Variants in AGPAT4 observed in about 807,000 individuals in gnomAD.
AGPAT4 encodes the protein 1-acyl-sn-glycerol-3-phosphate acyltransferase delta.
A neutral mutation model predicts 48.0 loss-of-function variants in AGPAT4; 15 were observed. The ratio of observed to expected loss-of-function variants is 0.31; its 90% CI spans 0.21 to 0.48. AGPAT4 has a LOEUF of 0.48. Among genes scored for constraint, AGPAT4 ranks in the 20% least tolerant of loss-of-function variants. AGPAT4 has a pLI of 0.99. For synonymous variants in AGPAT4, 178 were observed against 198.7 expected (o/e 0.90, Z 0.88); for missense variants, 314 against 482.5 (o/e 0.65, Z 3.27).
chr6:161,234,023 C>T lies in AGPAT4; in HGVS notation c.-89-1721G>A, dbSNP rs1782200059. Among the ~76,000 whole-genome samples, 1 of 152,172 alleles carries T rather than the reference C, an allele frequency of 6.6e-6. No homozygotes were observed. Among genetic ancestry groups the T allele is most frequent in the South Asian group, 2.1e-4 (1 of 4,830 alleles). On this transcript the variant is annotated intron_variant, in intron 1 of 8. Coordinates refer to ENST00000320285, the MANE Select transcript of AGPAT4 (RefSeq NM_020133.3). This position sits in a 1 kb window ranked among gnomAD's most constrained non-coding sequence, Gnocchi z 4.4. ...TCAGTTTTAACTCCGAGCTCTTTCT[C>T]CTGCACGTGTCAGGGGTGTTCTGCT... is the stretch of plus-strand genomic sequence containing the variant.
At chr6:161,179,455 G>T (rs1486941504) in intron 2 of AGPAT4, among the ~76,000 whole-genome samples, 1 of 152,152 alleles carries the variant, frequency 6.6e-6, no homozygotes, top group Non-Finnish European at 1.5e-5. Flanking sequence ...ACGACATAAA[G>T]ATAAAATGCC....
chr6:161,151,576 G>A (rs1779594275), intron 5 of AGPAT4, among the ~76,000 whole-genome samples: 1 of 152,262 alleles, frequency 6.6e-6, no homozygotes, highest in African/African-American at 2.4e-5. Flanking sequence ...AACAAGAGCA[G>A]CCTTTGATTA....
At position 161,147,538 on chromosome 6, in the gene AGPAT4, T is replaced by G. The variant is rs1779466677; in HGVS notation, c.768-939A>C. 1.3e-5 allele frequency among the ~76,000 whole-genome samples: 2 copies of G among 152,238 alleles called. No homozygotes were observed. Among genetic ancestry groups the G allele is most frequent in the African/African-American group, 2.4e-5 (1 of 41,462 alleles). ...TATCACACTAGAGTCTGTTAAGAGA[T>G]AAAGGATGGGATTCCATCTTATAAC... On this transcript the variant is annotated intron_variant, in intron 6 of 8. Transcript: ENST00000320285. The surrounding 1 kb of genome is among the most constrained non-coding windows in gnomAD (Gnocchi z 4.8).
rs1475372895 is a variant in AGPAT4 at position 161,148,498 on chromosome 6, T to C, written c.767+689A>G. ...AATCAGAAGGTTATACGCCCCTGGA[T>C]TAGTTCTCCATTAGTGGGCATTTCA... is the stretch of plus-strand genomic sequence containing the variant. On this transcript the variant is annotated intron_variant, in intron 6 of 8. Transcript: ENST00000320285. This position sits in a 1 kb window ranked among gnomAD's most constrained non-coding sequence, Gnocchi z 5.5. Among the ~76,000 whole-genome samples, 1 of 152,196 alleles carries C rather than the reference T, an allele frequency of 6.6e-6. No homozygotes were observed. Among genetic ancestry groups the C allele is most frequent in the Non-Finnish European group, 1.5e-5 (1 of 68,022 alleles).
chr6:161,202,001 A>T lies in AGPAT4; in HGVS notation c.178+30035T>A, dbSNP rs986926046. Reference sequence around the variant, plus strand: ...TATAAGCCATTTAAGACTTATCATAAGTGTTCCTCCTCCAGGAAGTCTACC... The same window carrying T: ...TATAAGCCATTTAAGACTTATCATATGTGTTCCTCCTCCAGGAAGTCTACC... On this transcript the variant is annotated intron_variant, in intron 2 of 8. Transcript: ENST00000320285. This position sits in a 1 kb window ranked among gnomAD's most constrained non-coding sequence, Gnocchi z 5.4. Among the ~76,000 whole-genome samples the T allele has an allele frequency of 6.6e-6, 1 of 152,200 alleles. No individual in the cohort carries two copies. Among genetic ancestry groups the T allele is most frequent in the Non-Finnish European group, 1.5e-5 (1 of 68,020 alleles).
At chr6:161,273,722 T>G (rs1783501591) in intron 1 of AGPAT4, among the ~76,000 whole-genome samples, 1 of 151,968 alleles carries the variant, frequency 6.6e-6, no homozygotes, top group South Asian at 2.1e-4. Context: ...GCGAGGGTCC[T>G]TTTGTACCAG....
chr6:161,175,795 T>C (rs1278810676), intron 2 of AGPAT4, among the ~76,000 whole-genome samples: 6 of 152,062 alleles, frequency 3.9e-5, no homozygotes, highest in South Asian at 2.1e-4. Context: ...TTTCCCTCTA[T>C]GCACTGCTTT....
At position 161,154,064 on chromosome 6, in the gene AGPAT4, C is replaced by T. The variant is rs971339683; in HGVS notation, c.510+85G>A. ...GGAGTCGCACAGGACCACACAGTCA[C>T]GTGTCCTGTGGAAGTCACATGGGGG... On this transcript the variant is annotated intron_variant, in intron 4 of 8. Coordinates refer to ENST00000320285, the MANE Select transcript of AGPAT4 (RefSeq NM_020133.3). The surrounding 1 kb of genome is among the most constrained non-coding windows in gnomAD (Gnocchi z 7.8). The T allele has an allele frequency of 6.5e-6, 10 of 1,546,404 alleles. No individual in the cohort carries two copies. Among genetic ancestry groups the T allele is most frequent in the South Asian group, 3.4e-5 (3 of 88,658 alleles).
rs1347968732 is a variant in AGPAT4 at position 161,166,157 on chromosome 6, G to C, written c.348+91C>G. ...AAGTAGAAACTCTGTTGATTCTTCT[G>C]CAAGTTCTGAATGACCAGGAGCAAA... On this transcript the variant is annotated intron_variant, in intron 3 of 8. Transcript: ENST00000320285. The surrounding 1 kb of genome is among the most constrained non-coding windows in gnomAD (Gnocchi z 6.7). 2.7e-6 allele frequency: 4 copies of C among 1,491,038 alleles called. No homozygotes were observed. Among genetic ancestry groups the C allele is most frequent in the Admixed American group, 4.0e-5 (2 of 49,742 alleles). The allele number at this position is 1,491,038 out of a possible 1,614,324, so 92.4% of individuals were successfully genotyped here.
At chr6:161,190,922 A>G (rs1402250359) in intron 2 of AGPAT4, among the ~76,000 whole-genome samples, 2 of 152,214 alleles carry the variant, frequency 1.3e-5, no homozygotes, top group African/African-American at 4.8e-5. Context: ...TGTTCCCAAT[A>G]AATATATCCA....
rs1020585617 is a variant in AGPAT4, at chr6:161,171,561, T to C, written c.179-5144A>G. Reference sequence around the variant, plus strand: ...AAAGCCCTCATGACCTAATCACCTCTTAAAGGCCCCACATCTCAACACTGT... The same window carrying C: ...AAAGCCCTCATGACCTAATCACCTCCTAAAGGCCCCACATCTCAACACTGT... On this transcript the variant is annotated intron_variant, in intron 2 of 8. Transcript: ENST00000320285. This position sits in a 1 kb window ranked among gnomAD's most constrained non-coding sequence, Gnocchi z 4.4. Among the ~76,000 whole-genome samples, 4 of 152,144 alleles carry C rather than the reference T, an allele frequency of 2.6e-5. No homozygotes were observed. The highest frequency in any genetic ancestry group is 9.7e-5 in the African/African-American group (4 of 41,436).
chr6:161,236,895 C>G lies in AGPAT4; in HGVS notation c.-89-4593G>C, dbSNP rs561472858. On this transcript the variant is annotated intron_variant, in intron 1 of 8. Transcript: ENST00000320285. The surrounding 1 kb of genome is among the most constrained non-coding windows in gnomAD (Gnocchi z 5.0). Reference sequence around the variant, plus strand: ...CCAGCCTGGGCGACAGAGTGAGACTCCATCTCAAACAAAATAAATAAATAA... The same window carrying G: ...CCAGCCTGGGCGACAGAGTGAGACTGCATCTCAAACAAAATAAATAAATAA... Among the ~76,000 whole-genome samples, 284 of 152,238 alleles carry G rather than the reference C, an allele frequency of 1.9e-3. 2 individuals are homozygous for G. Among genetic ancestry groups the G allele is most frequent in the Non-Finnish European group, 3.1e-3 (212 of 68,024 alleles).
rs1169864644 is a variant in AGPAT4 at position 161,238,930 on chromosome 6, C to T, written c.-89-6628G>A. On this transcript the variant is annotated intron_variant, in intron 1 of 8. Coordinates refer to ENST00000320285, the MANE Select transcript of AGPAT4 (RefSeq NM_020133.3). The surrounding 1 kb of genome is among the most constrained non-coding windows in gnomAD (Gnocchi z 5.2). ...TAAGTTTCCTGAGGCCTCTCCAGCC[C>T]TGCAGAACTGTGAGTCAATTAAACC... is the stretch of plus-strand genomic sequence containing the variant. 6.6e-6 allele frequency among the ~76,000 whole-genome samples: 1 copy of T among 152,184 alleles called. No homozygotes were observed. Among genetic ancestry groups the T allele is most frequent in the African/African-American group, 2.4e-5 (1 of 41,436 alleles).
At chr6:161,187,504 CATTTATTT>C (rs60104618) in intron 2 of AGPAT4, among the ~76,000 whole-genome samples, 51,776 of 143,732 alleles carry the variant, frequency 0.36, 10,857 homozygotes, top group Non-Finnish European at 0.47. Flanking sequence ...TCCTGAAGCC[CATTTATTT>C]ATTTATTTAT....
In AGPAT4 at chr6:161,226,361, AATC is replaced by A; in HGVS notation, c.178+5672_178+5674del. ...AATGAGAAAAAGCAGCCCTGTCATT[AATC>A]AGGCAGGGAGGAGAAGCATAGAGGA... On this transcript the variant is annotated intron_variant, in intron 2 of 8. Transcript: ENST00000320285. This position sits in a 1 kb window ranked among gnomAD's most constrained non-coding sequence, Gnocchi z 6.3. 6.6e-6 allele frequency among the ~76,000 whole-genome samples: 1 copy of A among 152,348 alleles called. No individual in the cohort carries two copies. The highest frequency in any genetic ancestry group is 1.5e-5 in the Non-Finnish European group (1 of 68,028).
intron 2 of AGPAT4, among the ~76,000 whole-genome samples, chr6:161,172,541 G>T (rs1018415892): frequency 4.6e-5 from 7 of 152,246 alleles, no homozygotes; most frequent in African/African-American, 1.4e-4. Flanking sequence ...GGACAGAAAG[G>T]CCACAGGACA....
At chr6:161,263,650 G>T (rs58774824) in intron 1 of AGPAT4, among the ~76,000 whole-genome samples, 1 of 151,974 alleles carries the variant, frequency 6.6e-6, no homozygotes, top group Non-Finnish European at 1.5e-5. Context: ...CCTCTCCCCC[G>T]ACCTCCTCTC....
intron 1 of AGPAT4, among the ~76,000 whole-genome samples, chr6:161,250,754 A>C (rs1208028246): frequency 6.6e-6 from 1 of 152,208 alleles, no homozygotes; most frequent in Non-Finnish European, 1.5e-5. Context: ...CAATATATAT[A>C]AATACCCATT....
In AGPAT4 at chr6:161,262,811, GA is replaced by G. The variant is rs1028777578; in HGVS notation, c.-90+11126del. 2.0e-5 allele frequency among the ~76,000 whole-genome samples: 3 copies of G among 152,056 alleles called. No homozygotes were observed. The highest frequency in any genetic ancestry group is 7.2e-5 in the African/African-American group (3 of 41,410). The stretch of plus-strand genomic sequence containing the variant: ...TTTGAGTTCAAAAGATAACTCCAGT[GA>G]AAAAAACCTCTAGGAGAACATGAGG... On this transcript the variant is annotated intron_variant, in intron 1 of 8. Transcript: ENST00000320285. This position sits in a 1 kb window ranked among gnomAD's most constrained non-coding sequence, Gnocchi z 4.9.
Sources: gnomAD v4.1 joint callset for allele counts (sites outside exome capture counted in the v4.1 genomes callset) on GRCh38, gnomAD v4.1.1 for gene constraint, Gnocchi (gnomAD v3.1) non-coding constraint, MANE v1.5 for transcripts, NCBI Gene and HGNC (gene_info 2026-07-23, HGNC 2026-07-21) for gene names.